The following PCLO variants were observed in gnomAD, a reference collection of about 807,000 sequenced individuals.
PCLO encodes piccolo presynaptic cytomatrix protein, also known as protein piccolo.
PCLO carries 82 observed loss-of-function variants against 427.5 expected under a neutral mutation model. That is an observed-to-expected ratio of 0.19 (90% confidence interval 0.16 to 0.23). PCLO has a LOEUF of 0.23. Among genes scored for constraint, PCLO ranks in the 10% least tolerant of loss-of-function variants. The pLI is 1.00. For missense variants in PCLO, 6,239 were observed against 6,115.9 expected (o/e 1.02, Z -0.67); for synonymous variants, 2,357 against 2,155.4 (o/e 1.09, Z -2.59).
At position 82,758,693 on chromosome 7, in the gene PCLO, C is replaced by T. The variant is rs767353191; in HGVS notation, c.15311G>A (p.Gly5104Glu). The T allele has an allele frequency of 6.2e-7, 1 of 1,602,040 alleles. No homozygotes were observed. The highest frequency in any genetic ancestry group is 8.5e-7 in the Non-Finnish European group (1 of 1,171,098). Residue 5104 changes from glycine to glutamate, a missense_variant, in exon 25 of 25, where the codon GGG becomes GAG. Physicochemically the swap from Gly to Glu is moderately conservative, Grantham distance 98. Transcript: ENST00000333891. ...AATCAAGGTCTTTTTCATAAACTTCCCTCCATTGGAGAAAAGTAAAATCTA... is the reference window on the plus strand; with the variant it reads ...AATCAAGGTCTTTTTCATAAACTTCTCTCCATTGGAGAAAAGTAAAATCTA... The part of the protein sequence containing the change: ...SLQILLFSNG[G>E]KFMKKTLIGE...
intron 18 of PCLO, among the ~76,000 whole-genome samples, chr7:82,826,194 G>A (rs1345171695): frequency 2.0e-5 from 3 of 151,668 alleles, no homozygotes; most frequent in Admixed American, 2.0e-4. Context: ...ATTTTTCTCA[G>A]AATACTTAAT....
intron 20 of PCLO, among the ~76,000 whole-genome samples, chr7:82,819,932 CATT>C (rs2059389935): frequency 6.6e-6 from 1 of 152,060 alleles, no homozygotes; most frequent in Non-Finnish European, 1.5e-5. Context: ...TTTAAAAAAA[CATT>C]ATTTTAATAT....
At position 82,965,893 on chromosome 7, in the gene PCLO, G is replaced by T. The variant is rs1436430627; in HGVS notation, c.3895C>A (p.Pro1299Thr). Reference sequence around the variant, plus strand: ...GGTAAACTCTGAGGTGTGCCAGATGGTAAACCTTCCATCTTGGTCTGTGGT... The same window carrying T: ...GGTAAACTCTGAGGTGTGCCAGATGTTAAACCTTCCATCTTGGTCTGTGGT... ...KQPQTKMEGL[P>T]SGTPQSLPKE... The change falls in exon 4 of 25, where the codon CCA becomes ACA. Residue 1299 changes from proline to threonine, a missense_variant. Around this residue, in one of 5 missense-constraint regions of PCLO, gnomAD observed 4,677 missense variants for 4,468.4 expected, o/e 1.05. Coordinates refer to ENST00000333891, the MANE Select transcript of PCLO (RefSeq NM_033026.6). The T allele has an allele frequency of 6.2e-7, 1 of 1,613,892 alleles. No homozygotes were observed. Among genetic ancestry groups the T allele is most frequent in the Admixed American group, 1.7e-5 (1 of 60,000 alleles).
chr7:83,092,584 C>G (rs1346850834), intron 3 of PCLO, among the ~76,000 whole-genome samples: 1 of 152,092 alleles, frequency 6.6e-6, no homozygotes, highest in East Asian at 1.9e-4. Context: ...CTGTTACAAA[C>G]CCAGTCAAGT....
At chr7:82,979,429 C>A (rs1796098229) in intron 3 of PCLO, among the ~76,000 whole-genome samples, 1 of 152,108 alleles carries the variant, frequency 6.6e-6, no homozygotes, top group African/African-American at 2.4e-5. Flanking sequence ...GCTATACAAA[C>A]ATACATCAAA....
At chr7:82,884,900 T>C (rs1474871824) in intron 9 of PCLO, among the ~76,000 whole-genome samples, 1 of 152,164 alleles carries the variant, frequency 6.6e-6, no homozygotes, top group African/African-American at 2.4e-5. Context: ...TATGATGTGC[T>C]TGATAAAATA....
At chr7:82,975,220 T>C (rs534399898) in intron 3 of PCLO, among the ~76,000 whole-genome samples, 4 of 152,310 alleles carry the variant, frequency 2.6e-5, no homozygotes, top group Non-Finnish European at 4.4e-5. Context: ...ACAAAATTTA[T>C]TTAAAAGATC....
intron 8 of PCLO, among the ~76,000 whole-genome samples, chr7:82,905,133 T>C (rs568118744): frequency 6.6e-6 from 1 of 152,068 alleles, no homozygotes; most frequent in African/African-American, 2.4e-5. Flanking sequence ...TGGTGCTACA[T>C]TCCTCTCCCC....
chr7:82,852,681 C>T (rs146788356), intron 10 of PCLO, among the ~76,000 whole-genome samples: 47 of 152,106 alleles, frequency 3.1e-4, no homozygotes, highest in African/African-American at 1.1e-3. Flanking sequence ...ATATTGTGAT[C>T]GTGAGTCAAT....
intron 9 of PCLO, among the ~76,000 whole-genome samples, chr7:82,889,005 A>G (rs1224633084): frequency 2.7e-5 from 4 of 146,178 alleles, no homozygotes; most frequent in Non-Finnish European, 6.0e-5. Context: ...CTTGCCAAAC[A>G]ATCCTCTTTA....
Position 83,135,261 on chromosome 7 carries a change from G to A in PCLO, c.2289C>T (p.Thr763=), listed in dbSNP as rs963331602. Residue 763 remains threonine (T), a synonymous_variant, in exon 3 of 25, where the codon ACC becomes ACT. Coordinates refer to ENST00000333891, the MANE Select transcript of PCLO (RefSeq NM_033026.6). The part of the protein sequence containing the change: ...KPKQPKMVKP[T]TDLVSSSSAT... ...CTGATGATGAAGATACAAGGTCAGT[G>A]GTTGGCTTTACCATCTTGGGCTGCT... The A allele has an allele frequency of 6.2e-7, 1 of 1,613,832 alleles. No individual in the cohort carries two copies. The highest frequency in any genetic ancestry group is 8.5e-7 in the Non-Finnish European group (1 of 1,179,874).
At chr7:82,856,796 C>T (rs144192072) in intron 10 of PCLO, among the ~76,000 whole-genome samples, 6 of 152,166 alleles carry the variant, frequency 3.9e-5, no homozygotes, top group East Asian at 1.9e-4. Flanking sequence ...GTGGTTTGAA[C>T]GCCTCCTCAA....
chr7:83,075,921 A>G (rs956795319), intron 3 of PCLO, among the ~76,000 whole-genome samples: 4 of 152,146 alleles, frequency 2.6e-5, no homozygotes, highest in African/African-American at 9.7e-5. Context: ...AATGTGTGTA[A>G]GCAAAGAGTG....
chr7:83,024,290 C>T (rs1037764280), intron 3 of PCLO, among the ~76,000 whole-genome samples: 30 of 152,218 alleles, frequency 2.0e-4, no homozygotes, highest in Admixed American at 9.2e-4. Flanking sequence ...TTGCCTCACT[C>T]GGGAAGCGCA....
At chr7:82,799,679 T>G (rs547414413) in intron 22 of PCLO, among the ~76,000 whole-genome samples, 2 of 152,288 alleles carry the variant, frequency 1.3e-5, no homozygotes, top group Non-Finnish European at 2.9e-5. Context: ...TGGCAGAGAT[T>G]GGAGAATGGG....
chr7:83,051,051 A>G (rs1217785589), intron 3 of PCLO, among the ~76,000 whole-genome samples: 3 of 152,176 alleles, frequency 2.0e-5, no homozygotes, highest in Admixed American at 2.0e-4. Context: ...TTAGGAATAG[A>G]GGGGAACTTT....
chr7:83,160,246 G>T (rs1055721728), intron 1 of PCLO, among the ~76,000 whole-genome samples: 2 of 152,152 alleles, frequency 1.3e-5, no homozygotes, highest in African/African-American at 4.8e-5. Context: ...TGATTGAGAA[G>T]TATTTGTAAT....
intron 20 of PCLO, chr7:82,821,590 ATATAAT>A (rs1791793167): frequency 3.1e-6 from 3 of 970,024 alleles, no homozygotes; most frequent in Non-Finnish European, 3.7e-6. Flanking sequence ...TTAAGTTTTT[ATATAAT>A]TATATCAATC....
chr7:82,977,823 C>T lies in PCLO; in HGVS notation c.3301-11336G>A, dbSNP rs981320319. Reference sequence around the variant, plus strand: ...TGAAATATGACCATTACTTTTGAAGCTTCTTTCAAACTCATTTCTTTATAT... The same window carrying T: ...TGAAATATGACCATTACTTTTGAAGTTTCTTTCAAACTCATTTCTTTATAT... On this transcript the variant is annotated intron_variant, in intron 3 of 24. Transcript: ENST00000333891. 5.3e-5 allele frequency among the ~76,000 whole-genome samples: 8 copies of T among 152,054 alleles called. No individual in the cohort carries two copies. In the South Asian group the frequency reaches 1.2e-3, roughly 24 times the overall value.
Sources: gnomAD v4.1 joint callset for allele counts (sites outside exome capture counted in the v4.1 genomes callset) on GRCh38, gnomAD v4.1.1 for gene constraint, gnomAD v4.1.1 regional missense constraint, MANE v1.5 for transcripts, NCBI Gene and HGNC (gene_info 2026-07-23, HGNC 2026-07-21) for gene names.